The following TBC1D22A variants were observed in gnomAD, a reference collection of about 807,000 sequenced individuals.
The protein encoded by TBC1D22A is putative GTPase activator.
TBC1D22A carries 38 observed loss-of-function variants against 60.2 expected under a neutral mutation model. That is an observed-to-expected ratio of 0.63 (90% CI 0.49 to 0.83). The LOEUF (loss-of-function observed/expected upper bound fraction) is 0.83. Among genes scored for constraint, TBC1D22A ranks in the 40% least tolerant of loss-of-function variants. TBC1D22A has a pLI of 0.00. For missense variants in TBC1D22A, 628 were observed against 701.0 expected (o/e 0.90, Z 1.18); for synonymous variants, 302 against 281.7 (o/e 1.07, Z -0.72).
intron 11 of TBC1D22A, among the ~76,000 whole-genome samples, chr22:47,062,784 T>A (rs921752900): frequency 6.6e-6 from 1 of 152,176 alleles, no homozygotes; most frequent in African/African-American, 2.4e-5. Flanking sequence ...TTGGGGTGAC[T>A]TGTTTAATCC....
chr22:46,986,008 A>G (rs1298043646), intron 9 of TBC1D22A, among the ~76,000 whole-genome samples: 2 of 152,200 alleles, frequency 1.3e-5, no homozygotes, highest in Non-Finnish European at 2.9e-5. Context: ...CACAATGCCA[A>G]CATATACCCA....
At chr22:46,878,018 T>C (rs931799171) in intron 4 of TBC1D22A, among the ~76,000 whole-genome samples, 8 of 152,104 alleles carry the variant, frequency 5.3e-5, no homozygotes, top group Non-Finnish European at 1.0e-4. Flanking sequence ...CTACTCGTGA[T>C]TTTTTTCTAC....
intron 5 of TBC1D22A, among the ~76,000 whole-genome samples, chr22:46,887,394 T>C (rs2068171794): frequency 6.6e-6 from 1 of 152,228 alleles, no homozygotes; most frequent in Admixed American, 6.5e-5. Context: ...CTTTGAAAAT[T>C]CTTTAGCAAA....
At chr22:46,979,232 A>T (rs1218597048) in intron 9 of TBC1D22A, among the ~76,000 whole-genome samples, 1 of 152,236 alleles carries the variant, frequency 6.6e-6, no homozygotes, top group African/African-American at 2.4e-5. Context: ...CCGTCTCATA[A>T]GAAGCAGCTG....
chr22:46,985,025 G>T (rs1006244199), intron 9 of TBC1D22A, among the ~76,000 whole-genome samples: 2 of 152,180 alleles, frequency 1.3e-5, no homozygotes, highest in Non-Finnish European at 2.9e-5. Flanking sequence ...TGAGGGGGGA[G>T]CCTCCGCCAT....
At chr22:47,101,614 T>A (rs570249441) in intron 11 of TBC1D22A, among the ~76,000 whole-genome samples, 1 of 152,180 alleles carries the variant, frequency 6.6e-6, no homozygotes, top group Non-Finnish European at 1.5e-5. Flanking sequence ...GGCCAGTGGG[T>A]TCCAGGGTTT....
intron 12 of TBC1D22A, among the ~76,000 whole-genome samples, chr22:47,146,561 C>T (rs965464220): frequency 4.6e-5 from 7 of 152,236 alleles, no homozygotes; most frequent in Admixed American, 6.5e-5. Flanking sequence ...CCCCAGGCAG[C>T]CGGCACCGAT....
At chr22:46,861,709 C>A (rs1306642173) in intron 4 of TBC1D22A, among the ~76,000 whole-genome samples, 1 of 152,242 alleles carries the variant, frequency 6.6e-6, no homozygotes, top group Non-Finnish European at 1.5e-5. Flanking sequence ...CGCTCAGAAC[C>A]CATGGGCAAA....
chr22:47,118,897 A>G (rs2066171387), intron 12 of TBC1D22A, among the ~76,000 whole-genome samples: 1 of 152,232 alleles, frequency 6.6e-6, no homozygotes, highest in South Asian at 2.1e-4. Flanking sequence ...CACGCCTGTA[A>G]TCCCAGCACT....
chr22:46,824,383 TAAGGAGGG>T, intron 4 of TBC1D22A, among the ~76,000 whole-genome samples: 1 of 152,252 alleles, frequency 6.6e-6, no homozygotes, highest in East Asian at 1.9e-4. Flanking sequence ...CATAACCCTC[TAAGGAGGG>T]GTGTGTGGGG....
chr22:46,868,096 C>T (rs1428593948), intron 4 of TBC1D22A, among the ~76,000 whole-genome samples: 2 of 152,144 alleles, frequency 1.3e-5, no homozygotes, highest in African/African-American at 2.4e-5. Flanking sequence ...GCTGCGGTGC[C>T]GCTTAGCTAC....
intron 10 of TBC1D22A, among the ~76,000 whole-genome samples, chr22:47,015,786 G>A (rs922536421): frequency 2.0e-5 from 3 of 152,212 alleles, no homozygotes; most frequent in African/African-American, 7.2e-5. Flanking sequence ...CTCCATCCTC[G>A]AAGCAGCCTG....
At chr22:46,884,130 C>T (rs1404685692) in intron 5 of TBC1D22A, among the ~76,000 whole-genome samples, 1 of 151,998 alleles carries the variant, frequency 6.6e-6, no homozygotes, top group Non-Finnish European at 1.5e-5. Context: ...AGAAGACAAA[C>T]AATACACCGA....
chr22:47,003,536 ACACACATGCCTGTATACACACACCCTACG>A lies in TBC1D22A; in HGVS notation c.1201+5868_1201+5896del, dbSNP rs981708558. Reference sequence around the variant, plus strand: ...CCAGATACATATACACACACCCTACACACACATGCCTGTATACACACACCCTACGCACACATGCCTGTATACACACACCC... The same window carrying A: ...CCAGATACATATACACACACCCTACACACACATGCCTGTATACACACACCC... On this transcript the variant is annotated intron_variant, in intron 10 of 12. Coordinates refer to ENST00000337137, the MANE Select transcript of TBC1D22A (RefSeq NM_014346.5). Among the ~76,000 whole-genome samples the A allele has an allele frequency of 7.9e-3, 1,139 of 144,086 alleles. 18 individuals are homozygous for A. Among genetic ancestry groups the A allele is most frequent in the African/African-American group, 0.028 (1,057 of 38,010 alleles). 94.5% of individuals were successfully genotyped at this position (144,086 alleles called of 152,430 possible). A position where few individuals can be genotyped will look rare whatever the true frequency, so the allele number is the denominator to read the frequency against.
At chr22:46,796,809 G>T (rs1206914333) in intron 3 of TBC1D22A, among the ~76,000 whole-genome samples, 4 of 152,148 alleles carry the variant, frequency 2.6e-5, no homozygotes, top group African/African-American at 9.7e-5. Flanking sequence ...GTCTGGGAAG[G>T]TGCCATCCCT....
chr22:46,858,805 T>G (rs1333273329), intron 4 of TBC1D22A, among the ~76,000 whole-genome samples: 1 of 152,240 alleles, frequency 6.6e-6, no homozygotes, highest in Non-Finnish European at 1.5e-5. Context: ...AGAGGATTTG[T>G]TTTTCCCTCT....
At chr22:46,773,121 C>A (rs12169941) in intron 1 of TBC1D22A, among the ~76,000 whole-genome samples, 1,526 of 152,326 alleles carry the variant, frequency 0.01, 21 homozygotes, top group African/African-American at 0.035. Flanking sequence ...CTTTCCTTCT[C>A]TGGCAGGCTC....
chr22:47,122,352 A>C (rs1054820953), intron 12 of TBC1D22A, among the ~76,000 whole-genome samples: 2 of 152,200 alleles, frequency 1.3e-5, no homozygotes, highest in Non-Finnish European at 2.9e-5. Context: ...CATTTCATTC[A>C]TGGGCCTGGG....
chr22:46,959,443 C>T (rs1206140125), intron 8 of TBC1D22A, among the ~76,000 whole-genome samples: 1 of 152,202 alleles, frequency 6.6e-6, no homozygotes, highest in Non-Finnish European at 1.5e-5. Context: ...CAGCGGGCAG[C>T]ATTGCCGCCT....
Sources: allele counts gnomAD v4.1 joint callset (sites outside exome capture counted in the v4.1 genomes callset), GRCh38; gene constraint gnomAD v4.1.1; transcripts MANE v1.5; gene names NCBI Gene and HGNC (gene_info 2026-07-23, HGNC 2026-07-21).